RNF216: variants seen among roughly 807,000 people sequenced by gnomAD.
RNF216 encodes ring finger protein 216, also known as E3 ubiquitin-protein ligase RNF216.
A neutral mutation model predicts 110.8 loss-of-function variants in RNF216; 72 were observed. The observed-to-expected ratio is 0.65, with a 90% CI of 0.54 to 0.79. The LOEUF (loss-of-function observed/expected upper bound fraction) is 0.79. Ranked by LOEUF, RNF216 falls within the 30% of genes least tolerant of loss-of-function variation. The pLI is 0.00. For missense variants in RNF216, 1,342 were observed against 1,141.2 expected (o/e 1.18, Z -2.54); for synonymous variants, 495 against 407.5 (o/e 1.21, Z -2.59).
chr7:5,735,410 C>T (rs1470657217), intron 5 of RNF216, among the ~76,000 whole-genome samples: 3 of 152,036 alleles, frequency 2.0e-5, no homozygotes, highest in Admixed American at 6.5e-5. Context: ...CAATCAAACT[C>T]ACAGAGAAGC....
chr7:5,755,028 A>T (rs1280235747), intron 2 of RNF216, among the ~76,000 whole-genome samples: 1 of 138,258 alleles, frequency 7.2e-6, no homozygotes, highest in Non-Finnish European at 1.6e-5. Flanking sequence ...ACCCTATCTC[A>T]GGCTAAAAAA....
intron 13 of RNF216, among the ~76,000 whole-genome samples, chr7:5,658,977 A>G (rs1788925478): frequency 6.6e-6 from 1 of 152,138 alleles, no homozygotes; most frequent in African/African-American, 2.4e-5. Context: ...TGAGCTTGAG[A>G]CCAAAGACAG....
intron 3 of RNF216, among the ~76,000 whole-genome samples, chr7:5,748,611 TACACACACACACACACACACACAC>T (rs10588945): frequency 9.8e-5 from 14 of 143,158 alleles, no homozygotes; most frequent in African/African-American, 2.3e-4. Flanking sequence ...TTTATATACA[TACACACACACACACACACACACAC>T]ACACACACAC....
chr7:5,722,441 G>A (rs1207366425), intron 8 of RNF216, among the ~76,000 whole-genome samples: 1 of 151,138 alleles, frequency 6.6e-6, no homozygotes, highest in East Asian at 2.0e-4. Flanking sequence ...CCAGGCAAGG[G>A]TGCAGTGGTG....
At chr7:5,708,253 C>T (rs1005271840) in intron 13 of RNF216, among the ~76,000 whole-genome samples, 1 of 152,180 alleles carries the variant, frequency 6.6e-6, no homozygotes, top group African/African-American at 2.4e-5. Context: ...TCTGTTAGGT[C>T]TATAGTGTTG....
chr7:5,671,194 G>A (rs1007890228), intron 13 of RNF216, among the ~76,000 whole-genome samples: 1 of 152,190 alleles, frequency 6.6e-6, no homozygotes, highest in South Asian at 2.1e-4. Context: ...CCATGTGAAG[G>A]CTGGAAATCC....
chr7:5,688,871 A>C (rs570960561), intron 13 of RNF216, among the ~76,000 whole-genome samples: 24 of 152,312 alleles, frequency 1.6e-4, no homozygotes, highest in African/African-American at 5.8e-4. Context: ...AGCTACTAAC[A>C]TTACTGTGCA....
At chr7:5,748,190 C>A (rs759608613) in intron 3 of RNF216, among the ~76,000 whole-genome samples, 1 of 152,192 alleles carries the variant, frequency 6.6e-6, no homozygotes, top group Non-Finnish European at 1.5e-5. Context: ...TGAACTACTA[C>A]ATATAGATCT....
At chr7:5,735,383 A>T (rs1194832583) in intron 5 of RNF216, among the ~76,000 whole-genome samples, 1 of 152,208 alleles carries the variant, frequency 6.6e-6, no homozygotes, top group Non-Finnish European at 1.5e-5. Flanking sequence ...GATTCCCAAG[A>T]ACTTAACATA....
intron 13 of RNF216, among the ~76,000 whole-genome samples, chr7:5,685,603 A>T (rs1046307649): frequency 1.3e-5 from 2 of 152,234 alleles, no homozygotes; most frequent in Non-Finnish European, 2.9e-5. Flanking sequence ...GCGGTGAGCT[A>T]AAAGTGAGAG....
intron 13 of RNF216, among the ~76,000 whole-genome samples, chr7:5,668,079 G>A (rs1016788402): frequency 6.6e-6 from 1 of 152,140 alleles, no homozygotes; most frequent in Non-Finnish European, 1.5e-5. Flanking sequence ...TGAACTTGGG[G>A]TTGACAATAC....
chr7:5,736,532 C>T (rs1393223426), intron 5 of RNF216, among the ~76,000 whole-genome samples: 1 of 152,126 alleles, frequency 6.6e-6, no homozygotes, highest in Non-Finnish European at 1.5e-5. Flanking sequence ...AGCCTCTGCC[C>T]GGCCGCCACC....
intron 1 of RNF216, among the ~76,000 whole-genome samples, chr7:5,763,833 A>C (rs572941978): frequency 3.3e-5 from 5 of 152,130 alleles, no homozygotes; most frequent in African/African-American, 9.7e-5. Flanking sequence ...TTGGCTTCCC[A>C]AAGTGCTGCG....
intron 11 of RNF216, among the ~76,000 whole-genome samples, chr7:5,714,371 G>A (rs1281579651): frequency 6.6e-6 from 1 of 152,118 alleles, no homozygotes; most frequent in Non-Finnish European, 1.5e-5. Context: ...CAATTCTCCT[G>A]CCTCAGCCTC....
At chr7:5,737,558 T>TATAA (rs1184025799) in intron 5 of RNF216, among the ~76,000 whole-genome samples, 1 of 151,186 alleles carries the variant, frequency 6.6e-6, no homozygotes, top group African/African-American at 2.4e-5. Context: ...AATAAATAAA[T>TATAA]ATAAATCTGA....
chr7:5,692,522 C>G (rs961117057), intron 13 of RNF216, among the ~76,000 whole-genome samples: 1 of 152,208 alleles, frequency 6.6e-6, no homozygotes, highest in Non-Finnish European at 1.5e-5. Context: ...AGGTTTCTCA[C>G]TGGCTGTATC....
chr7:5,694,343 G>A (rs1369507391), intron 13 of RNF216, among the ~76,000 whole-genome samples: 1 of 152,154 alleles, frequency 6.6e-6, no homozygotes, highest in African/African-American at 2.4e-5. Context: ...TTCTCTTTAA[G>A]GAATGACTTC....
intron 1 of RNF216, among the ~76,000 whole-genome samples, chr7:5,776,225 T>C (rs1796766131): frequency 6.6e-6 from 1 of 152,022 alleles, no homozygotes; most frequent in African/African-American, 2.4e-5. Context: ...AAACAAACTC[T>C]CAAATGGATT....
chr7:5,717,024 A>C lies in RNF216; in HGVS notation c.1645-258T>G, dbSNP rs574214242. ...TGACACATAAAACACTTTGAACAGCAAAGAATAGCATCAACAAAAACAAAC... is the reference window on the plus strand; with the variant it reads ...TGACACATAAAACACTTTGAACAGCCAAGAATAGCATCAACAAAAACAAAC... On this transcript the variant is annotated intron_variant, in intron 9 of 16. Coordinates refer to ENST00000389902, the MANE Select transcript of RNF216 (RefSeq NM_207111.4). Among the ~76,000 whole-genome samples the C allele has an allele frequency of 9.2e-5, 14 of 152,348 alleles. No homozygotes were observed. In the East Asian group the frequency reaches 2.5e-3, roughly 27 times the overall value.
Sources: gnomAD v4.1 joint callset for allele counts (sites outside exome capture counted in the v4.1 genomes callset) on GRCh38, gnomAD v4.1.1 for gene constraint, MANE v1.5 for transcripts, NCBI Gene and HGNC (gene_info 2026-07-23, HGNC 2026-07-21) for gene names.